The following ZNF624 variants were observed in gnomAD, a reference collection of about 807,000 sequenced individuals.
ZNF624 encodes the protein zinc finger protein 624.
ZNF624 carries 43 observed loss-of-function variants against 74.7 expected under a neutral mutation model. The ratio of observed to expected loss-of-function variants is 0.58; its 90% CI spans 0.45 to 0.74. The LOEUF is 0.74. Among genes scored for constraint, ZNF624 ranks in the 30% least tolerant of loss-of-function variants. The pLI is 0.00. For missense variants in ZNF624, 820 were observed against 1,030.0 expected, an observed-to-expected ratio of 0.80 and a Z score of 2.79; for synonymous variants, 331 against 341.3, an observed-to-expected ratio of 0.97 and a Z score of 0.33.
At chr17:16,616,821 GT>G, downstream of ZNF624, 1 of 1,003,988 alleles carries the variant, frequency 1.0e-6, no homozygotes, top group Non-Finnish European at 1.5e-6. Flanking sequence ...TTCCATAATA[GT>G]GTGCAGACAA....
At chr17:16,634,873 G>A in intron 3 of ZNF624, 117 bp from the exon 4 acceptor site, 3 of 890,188 alleles carry the variant, frequency 3.4e-6, no homozygotes, top group Non-Finnish European at 1.7e-6. Flanking sequence ...TGATCATGTA[G>A]GTCAACCAGT....
chr17:16,645,945 C>CAAAAAAAAAAAAAAAAAAAAAAAAAAA, intron 3 of ZNF624, among the ~76,000 whole-genome samples: 1 of 56,066 alleles, frequency 1.8e-5, no homozygotes, highest in Non-Finnish European at 3.3e-5. Context: ...GACTCCATCT[C>CAAAAAAAAAAAAAAAAAAAAAAAAAAA]AAAAAAAAAA....
At chr17:16,653,102 T>C (rs1909766270) in intron 1 of ZNF624, among the ~76,000 whole-genome samples, 1 of 152,254 alleles carries the variant, frequency 6.6e-6, no homozygotes. Context: ...GAAGGGTCCA[T>C]GTTTTTGCTG....
At chr17:16,626,678 G>C (rs1410057449) in intron 5 of ZNF624, among the ~76,000 whole-genome samples, 1 of 152,188 alleles carries the variant, frequency 6.6e-6, no homozygotes, top group African/African-American at 2.4e-5. Flanking sequence ...CCTGAGCCCA[G>C]GAAGTTGAGG....
chr17:16,645,905 T>C (rs1297203424), intron 3 of ZNF624, among the ~76,000 whole-genome samples: 1 of 139,670 alleles, frequency 7.2e-6, no homozygotes, highest in East Asian at 2.3e-4. Flanking sequence ...TGAGCCAAGA[T>C]TGTGCCACTG....
chr17:16,617,595 T>C, downstream of ZNF624: 2 of 1,586,562 alleles, frequency 1.3e-6, no homozygotes, highest in South Asian at 1.1e-5. Flanking sequence ...CTCTGCCAGA[T>C]GTCTCCGACT....
rs148651114 is a variant in ZNF624, at chr17:16,631,086, ATAG to A, written c.376+2773_376+2775del. On this transcript the variant is annotated intron_variant, in intron 5 of 5. Transcript: ENST00000311331. Reference sequence around the variant, plus strand: ...ATAATTCAGAGCATCCTGTCTGACCATAGTAGAATTAAAGTCAACAAGATTGCT... The same window carrying A: ...ATAATTCAGAGCATCCTGTCTGACCATAGAATTAAAGTCAACAAGATTGCT... 3.0e-3 allele frequency among the ~76,000 whole-genome samples: 462 copies of A among 152,320 alleles called. 4 individuals are homozygous for A. The highest frequency in any genetic ancestry group is 0.01 in the African/African-American group (435 of 41,564).
intron 5 of ZNF624, among the ~76,000 whole-genome samples, chr17:16,629,592 G>A (rs957739386): frequency 2.0e-5 from 3 of 151,660 alleles, no homozygotes; most frequent in South Asian, 2.1e-4. Flanking sequence ...TTTTGAGACC[G>A]AGTCTCACTC....
In ZNF624 at chr17:16,623,562, T is replaced by C. The variant is rs750721709; in HGVS notation, c.1324A>G (p.Lys442Glu). 1.2e-6 allele frequency: 2 copies of C among 1,610,298 alleles called. No individual in the cohort carries two copies. Among genetic ancestry groups the C allele is most frequent in the South Asian group, 2.2e-5 (2 of 90,228 alleles). ...SVHQKTHTEE[K>E]PYQCNECGKS... ...CCACACTCGTTGCACTGATATGGTT[T>C]CTCTTCAGTGTGGGTCTTCTGATGT... Residue 442 changes from lysine to glutamate, a missense_variant, in exon 6 of 6, where the codon AAA (lysine) becomes GAA (glutamate). Transcript: ENST00000311331. The surrounding 1 kb of genome is among the most constrained non-coding windows in gnomAD (Gnocchi z 5.3).
the ZNF624 span, among the ~76,000 whole-genome samples, chr17:16,614,734 A>G: frequency 1.3e-5 from 2 of 152,254 alleles, no homozygotes; most frequent in South Asian, 4.1e-4. Context: ...AAGTCAAACA[A>G]GGCTATTACA....
At chr17:16,624,551 G>A (rs748563039) in intron 5 of ZNF624, 42 bp from the exon 6 acceptor site, 70 of 1,500,724 alleles carry the variant, frequency 4.7e-5, no homozygotes, top group Middle Eastern at 1.8e-4. Flanking sequence ...CCTTTCCTAA[G>A]CTGGGGCAAT....
intron 3 of ZNF624, among the ~76,000 whole-genome samples, chr17:16,645,945 CAAAAAAAAAAAAA>C (rs35486112): frequency 1.8e-5 from 1 of 56,066 alleles, no homozygotes; most frequent in Admixed American, 2.2e-4. Context: ...GACTCCATCT[CAAAAAAAAAAAAA>C]AAAAAAAGAA....
Position 16,622,720 on chromosome 17 carries a change from T to C in ZNF624, c.2166A>G (p.Lys722=). 6.2e-7 allele frequency: 1 copy of C among 1,613,830 alleles called. No individual in the cohort carries two copies. The highest frequency in any genetic ancestry group is 8.5e-7 in the Non-Finnish European group (1 of 1,179,968). The change falls in exon 6 of 6, where the codon AAA becomes AAG. Residue 722 remains lysine (K), a synonymous_variant. Coordinates refer to ENST00000311331, the MANE Select transcript of ZNF624 (RefSeq NM_020787.4). ...NTHQRTHTGE[K]PFKCNDCGKA... The stretch of plus-strand genomic sequence containing the variant: ...TCCCACAGTCATTACATTTAAATGG[T>C]TTCTCTCCAGTATGTGTTCTTTGAT...
At chr17:16,628,430 T>G (rs1003025734) in intron 5 of ZNF624, among the ~76,000 whole-genome samples, 1 of 152,136 alleles carries the variant, frequency 6.6e-6, no homozygotes. Context: ...GAACATAAGA[T>G]TAACAATCTC....
intron 5 of ZNF624, among the ~76,000 whole-genome samples, chr17:16,630,414 G>A (rs935237185): frequency 6.6e-6 from 1 of 152,060 alleles, no homozygotes; most frequent in African/African-American, 2.4e-5. Context: ...AAAATTAGCT[G>A]GGCATGGTGG....
intron 3 of ZNF624, 106 bp downstream of exon 3, chr17:16,647,223 T>C: frequency 9.9e-7 from 1 of 1,015,032 alleles, no homozygotes; most frequent in Non-Finnish European, 1.6e-6. Context: ...ACCACACCAA[T>C]CAAATAATCA....
chr17:16,637,224 T>C (rs1305786525), intron 3 of ZNF624, among the ~76,000 whole-genome samples: 2 of 151,432 alleles, frequency 1.3e-5, no homozygotes, highest in Non-Finnish European at 3.0e-5. Context: ...ATAAAAGAGA[T>C]ACAAATGGAA....
At chr17:16,650,910 C>T (rs1358499784) in intron 1 of ZNF624, among the ~76,000 whole-genome samples, 5 of 152,130 alleles carry the variant, frequency 3.3e-5, no homozygotes, top group Non-Finnish European at 5.9e-5. Flanking sequence ...AGAACTTAAT[C>T]TAACCTTACA....
At chr17:16,617,483 C>T, downstream of ZNF624, 1 of 1,605,072 alleles carries the variant, frequency 6.2e-7, no homozygotes, top group Non-Finnish European at 8.5e-7. Context: ...GTTACTTAAC[C>T]TGCTTGTCGC....
Sources: gnomAD v4.1 joint callset for allele counts (sites outside exome capture counted in the v4.1 genomes callset) on GRCh38, gnomAD v4.1.1 for gene constraint, Gnocchi (gnomAD v3.1) non-coding constraint, MANE v1.5 for transcripts, NCBI Gene and HGNC (gene_info 2026-07-23, HGNC 2026-07-21) for gene names.